The following NIPA1 variants were observed in gnomAD, a reference collection of about 807,000 sequenced individuals.
NIPA1 encodes magnesium transporter NIPA1.
A neutral mutation model predicts 23.9 loss-of-function variants in NIPA1; 13 were observed. The observed-to-expected ratio is 0.54, with a 90% CI of 0.35 to 0.87. The LOEUF (loss-of-function observed/expected upper bound fraction) is 0.87. NIPA1 is among the 40% of genes least tolerant of loss of function. The pLI is 0.01. For missense variants in NIPA1, 362 were observed against 429.7 expected (o/e 0.84, Z 1.39); for synonymous variants, 234 against 202.9 (o/e 1.15, Z -1.30).
chr15:22,814,543 T>C, intron 3 of NIPA1, among the ~76,000 whole-genome samples: 1 of 152,064 alleles, frequency 6.6e-6, no homozygotes, highest in Non-Finnish European at 1.5e-5. Flanking sequence ...AGTTCTGTTC[T>C]TGATAATGGG....
chr15:22,823,856 G>A lies in NIPA1; in HGVS notation c.607G>A (p.Val203Met), dbSNP rs762527279. The change falls in exon 5 of 5, where the codon GTG (valine) becomes ATG (methionine). Residue 203 changes from valine (V) to methionine (M), a missense_variant. Coordinates refer to ENST00000337435, the MANE Select transcript of NIPA1 (RefSeq NM_144599.5). ...SICSLLGSFT[V>M]PSTKGIGLAA... Reference sequence around the variant, plus strand: ...CTGCTCCTTGCTGGGCAGTTTCACCGTGCCTTCCACCAAGGGCATCGGGCT... The same window carrying A: ...CTGCTCCTTGCTGGGCAGTTTCACCATGCCTTCCACCAAGGGCATCGGGCT... 1.2e-5 allele frequency: 20 copies of A among 1,613,970 alleles called. 1 individual carries two copies. Among genetic ancestry groups the A allele is most frequent in the Admixed American group, 3.3e-5 (2 of 60,010 alleles).
At chr15:22,816,037 T>A (rs534276682) in intron 3 of NIPA1, among the ~76,000 whole-genome samples, 1 of 152,200 alleles carries the variant, frequency 6.6e-6, no homozygotes, top group African/African-American at 2.4e-5. Context: ...AGGAAGAAAA[T>A]AAGCTGCCTA....
chr15:22,815,131 T>C (rs986104756), intron 3 of NIPA1, among the ~76,000 whole-genome samples: 8 of 152,156 alleles, frequency 5.3e-5, no homozygotes, highest in African/African-American at 1.7e-4. Context: ...CATTTTAGCA[T>C]AAGTTATGAT....
intron 4 of NIPA1, among the ~76,000 whole-genome samples, chr15:22,822,787 A>G (rs1895565435): frequency 6.6e-6 from 1 of 151,770 alleles, no homozygotes; most frequent in African/African-American, 2.4e-5. Flanking sequence ...AGATCGTGCT[A>G]TTGCAATCCA....
intron 1 of NIPA1, among the ~76,000 whole-genome samples, chr15:22,800,180 A>G (rs1246514826): frequency 2.6e-5 from 4 of 151,872 alleles, no homozygotes; most frequent in African/African-American, 7.3e-5. Flanking sequence ...CAACAACAAC[A>G]AATCATCCTT....
intron 2 of NIPA1, 65 bp from the exon 3 acceptor site, chr15:22,812,098 A>G (rs996446392): frequency 2.1e-5 from 25 of 1,202,434 alleles, no homozygotes; most frequent in South Asian, 9.9e-5. Flanking sequence ...GCGTAATTCA[A>G]CTGTGATCAG....
chr15:22,786,449 C>T (rs977753313), upstream of NIPA1, among the ~76,000 whole-genome samples: 1 of 151,936 alleles, frequency 6.6e-6, no homozygotes, highest in Admixed American at 6.5e-5. Context: ...GCCTCACCGG[C>T]CCCTCACTGC....
chr15:22,811,612 A>T (rs1895318722), intron 2 of NIPA1, among the ~76,000 whole-genome samples: 2 of 152,172 alleles, frequency 1.3e-5, no homozygotes, highest in Admixed American at 1.3e-4. Flanking sequence ...TCAAAAGAAA[A>T]AAAAGAAACA....
In NIPA1 at chr15:22,795,848, A is replaced by G. The variant is rs374927800; in HGVS notation, c.178+9014A>G. Among the ~76,000 whole-genome samples, 29 of 152,192 alleles carry G rather than the reference A, an allele frequency of 1.9e-4. No individual in the cohort carries two copies. In the East Asian group the frequency reaches 4.5e-3, roughly 23 times the overall value. ...CAACTGGTGGTGCCGGAATGTGAAC[A>G]CAGCTGGGGCTGATTTTGGTATTGT... is the stretch of plus-strand genomic sequence containing the variant. On this transcript the variant is annotated intron_variant, in intron 1 of 4. Transcript: ENST00000337435.
At chr15:22,803,840 C>T (rs145522372) in intron 1 of NIPA1, among the ~76,000 whole-genome samples, 6,023 of 151,522 alleles carry the variant, frequency 0.04, 409 homozygotes, top group African/African-American at 0.14. Flanking sequence ...CCACCACGCC[C>T]GGCTAATTTT....
At chr15:22,787,572 C>T (rs925285748) in intron 1 of NIPA1, among the ~76,000 whole-genome samples, 1 of 152,204 alleles carries the variant, frequency 6.6e-6, no homozygotes, top group African/African-American at 2.4e-5. Context: ...TAGTGCTCTG[C>T]GGGGTAGAGC....
intron 3 of NIPA1, among the ~76,000 whole-genome samples, chr15:22,817,759 C>T (rs567684309): frequency 6.2e-4 from 94 of 151,464 alleles, no homozygotes; most frequent in African/African-American, 2.2e-3. Context: ...GAGCTGAGAT[C>T]GTGCCACTGC....
chr15:22,816,179 T>A (rs1895411920), intron 3 of NIPA1, among the ~76,000 whole-genome samples: 1 of 24,316 alleles, frequency 4.1e-5, no homozygotes, highest in African/African-American at 1.9e-4. Flanking sequence ...GAAGACCTGA[T>A]TTTTTTTTTT....
rs140470295 is a variant in NIPA1, at chr15:22,792,459, C to T, written c.178+5625C>T. Among the ~76,000 whole-genome samples, 3,491 of 152,038 alleles carry T rather than the reference C, an allele frequency of 0.023. 534 individuals carry two copies. In the East Asian group the frequency reaches 0.44, roughly 19 times the overall value. ...CTGCAAGCTCCGCCTCCCAGGTTCACGCCATTTTTCTGCCTCAGCCTCCCA... is the reference window on the plus strand; with the variant it reads ...CTGCAAGCTCCGCCTCCCAGGTTCATGCCATTTTTCTGCCTCAGCCTCCCA... On this transcript the variant is annotated intron_variant, in intron 1 of 4. Transcript: ENST00000337435.
intron 1 of NIPA1, among the ~76,000 whole-genome samples, chr15:22,800,716 C>G (rs1052539909): frequency 6.6e-6 from 1 of 152,028 alleles, no homozygotes; most frequent in African/African-American, 2.4e-5. Flanking sequence ...ATCACAAGGT[C>G]AGGAGATTGA....
chr15:22,800,135 C>T (rs1166807116), intron 1 of NIPA1, among the ~76,000 whole-genome samples: 1 of 151,814 alleles, frequency 6.6e-6, no homozygotes, highest in Non-Finnish European at 1.5e-5. Context: ...ACGCAAAGAA[C>T]AAACCTGCCC....
rs1894840245 is a variant in NIPA1 at position 22,792,014 on chromosome 15, G to A, written c.178+5180G>A. 2.0e-5 allele frequency among the ~76,000 whole-genome samples: 3 copies of A among 152,180 alleles called. 1 individual carries two copies. The highest frequency in any genetic ancestry group is 4.4e-5 in the Non-Finnish European group (3 of 68,032). On this transcript the variant is annotated intron_variant, in intron 1 of 4. Coordinates refer to ENST00000337435, the MANE Select transcript of NIPA1 (RefSeq NM_144599.5). ...GTGCTCTACAGCATAGGCTCAGATG[G>A]GGCTGCCTACAAACTTCTTTGCCAT...
At chr15:22,802,316 C>T (rs557442332) in intron 1 of NIPA1, among the ~76,000 whole-genome samples, 5 of 145,580 alleles carry the variant, frequency 3.4e-5, no homozygotes, top group Admixed American at 1.4e-4. Context: ...CACTTGAACC[C>T]GGGAAGTGGA....
chr15:22,810,913 G>A (rs1031696822), intron 2 of NIPA1, 117 bp downstream of exon 2: 13 of 825,448 alleles, frequency 1.6e-5, no homozygotes, highest in South Asian at 5.3e-5. Context: ...AGGGTGTCGC[G>A]TGGCCTCTCC....
Sources: gnomAD v4.1 joint callset for allele counts (sites outside exome capture counted in the v4.1 genomes callset) on GRCh38, gnomAD v4.1.1 for gene constraint, MANE v1.5 for transcripts, NCBI Gene and HGNC (gene_info 2026-07-23, HGNC 2026-07-21) for gene names.